The following KIAA1217 variants were observed in gnomAD, a reference collection of about 807,000 sequenced individuals.
KIAA1217 encodes the protein sickle tail protein homolog.
A neutral mutation model predicts 163.9 loss-of-function variants in KIAA1217; 88 were observed. That is an observed-to-expected ratio of 0.54 (90% CI 0.45 to 0.64). The LOEUF (loss-of-function observed/expected upper bound fraction) is 0.64, where lower values mean the gene tolerates loss of function less well. KIAA1217 is among the 30% of genes least tolerant of loss of function. The pLI, the probability that KIAA1217 is intolerant of heterozygous loss-of-function variation, is 0.00. For synonymous variants in KIAA1217, 903 were observed against 923.1 expected, an observed-to-expected ratio of 0.98 and a Z score of 0.39; for missense variants, 2,372 against 2,475.0, an observed-to-expected ratio of 0.96 and a Z score of 0.88.
chr10:24,422,559 T>C (rs749599224), intron 3 of KIAA1217, among the ~76,000 whole-genome samples: 1 of 152,154 alleles, frequency 6.6e-6, no homozygotes, highest in Non-Finnish European at 1.5e-5. Context: ...AGTTTCTAAA[T>C]ATCCATGCAA....
intron 3 of KIAA1217, among the ~76,000 whole-genome samples, chr10:24,389,944 C>T (rs2054614274): frequency 6.6e-6 from 1 of 152,124 alleles, no homozygotes; most frequent in South Asian, 2.1e-4. Context: ...TGAGGCCCAA[C>T]TCTGCATCTG....
intron 1 of KIAA1217, among the ~76,000 whole-genome samples, chr10:23,921,137 T>G (rs1253482434): frequency 6.6e-6 from 1 of 152,210 alleles, no homozygotes; most frequent in African/African-American, 2.4e-5. Flanking sequence ...TTAAACTTTT[T>G]GTTTGTTTTA....
At chr10:23,812,056 G>A (rs1837087006) in intron 1 of KIAA1217, among the ~76,000 whole-genome samples, 1 of 152,080 alleles carries the variant, frequency 6.6e-6, no homozygotes, top group Non-Finnish European at 1.5e-5. Context: ...CTGCACTCCA[G>A]CCTGGGTGAC....
chr10:23,847,683 A>AT (rs374568390), intron 1 of KIAA1217, among the ~76,000 whole-genome samples: 5 of 151,858 alleles, frequency 3.3e-5, no homozygotes, highest in Admixed American at 1.3e-4. Context: ...GCATTCATTG[A>AT]TTTTTTGAAC....
chr10:23,916,016 A>T (rs902872781), intron 1 of KIAA1217, among the ~76,000 whole-genome samples: 1 of 152,180 alleles, frequency 6.6e-6, no homozygotes, highest in African/African-American at 2.4e-5. Context: ...AATGCCAAGG[A>T]TGGGCTTTTA....
At chr10:24,406,721 A>C (rs1364282407) in intron 3 of KIAA1217, among the ~76,000 whole-genome samples, 1 of 152,222 alleles carries the variant, frequency 6.6e-6, no homozygotes, top group Non-Finnish European at 1.5e-5. Context: ...AAGATTTGAA[A>C]TGTGTTGCCT....
intron 1 of KIAA1217, among the ~76,000 whole-genome samples, chr10:23,764,126 C>T (rs985537884): frequency 1.3e-5 from 2 of 151,962 alleles, no homozygotes; most frequent in East Asian, 3.9e-4. Flanking sequence ...AAAACAACCC[C>T]ATCAAAAAGT....
At chr10:23,805,467 C>T (rs1022728511) in intron 1 of KIAA1217, among the ~76,000 whole-genome samples, 1 of 151,936 alleles carries the variant, frequency 6.6e-6, no homozygotes, top group Non-Finnish European at 1.5e-5. Context: ...TAAGTGGAAG[C>T]TAACTGATGA....
intron 5 of KIAA1217, among the ~76,000 whole-genome samples, chr10:24,441,479 A>G (rs1448453795): frequency 6.6e-6 from 1 of 152,182 alleles, no homozygotes; most frequent in Admixed American, 6.5e-5. Context: ...GAGCGGTTTT[A>G]TGATTGGAAA....
At chr10:23,997,115 TC>T (rs1377261596) in intron 1 of KIAA1217, among the ~76,000 whole-genome samples, 1 of 152,238 alleles carries the variant, frequency 6.6e-6, no homozygotes, top group African/African-American at 2.4e-5. Flanking sequence ...TACTGGGATT[TC>T]AACTGTTTGT....
At chr10:23,944,589 T>C (rs1241288551) in intron 1 of KIAA1217, among the ~76,000 whole-genome samples, 1 of 152,166 alleles carries the variant, frequency 6.6e-6, no homozygotes, top group East Asian at 1.9e-4. Flanking sequence ...GTCAACATCA[T>C]TGGATATTAG....
At chr10:24,183,796 G>A (rs915933944) in intron 2 of KIAA1217, among the ~76,000 whole-genome samples, 1 of 152,198 alleles carries the variant, frequency 6.6e-6, no homozygotes, top group East Asian at 1.9e-4. Context: ...TCGGGGAATG[G>A]TTCTGCACCT....
chr10:24,189,518 A>G (rs747242667), intron 2 of KIAA1217, among the ~76,000 whole-genome samples: 33 of 152,176 alleles, frequency 2.2e-4, no homozygotes, highest in Non-Finnish European at 4.6e-4. Context: ...CAGAGGAGAA[A>G]GAGTAATACC....
At chr10:23,942,485 A>G (rs1843820604) in intron 1 of KIAA1217, among the ~76,000 whole-genome samples, 1 of 152,240 alleles carries the variant, frequency 6.6e-6, no homozygotes, top group Admixed American at 6.5e-5. Flanking sequence ...ATCATCAGAA[A>G]TTATACGTTA....
intron 1 of KIAA1217, among the ~76,000 whole-genome samples, chr10:23,729,224 G>A (rs933620008): frequency 2.6e-5 from 4 of 152,166 alleles, no homozygotes; most frequent in Non-Finnish European, 4.4e-5. Context: ...TTGTTTCCAA[G>A]GCTTGGCAAT....
In KIAA1217 at chr10:24,034,765, C is replaced by T. The variant is rs1031683810; in HGVS notation, c.-171+27391C>T. Among the ~76,000 whole-genome samples, 5 of 152,286 alleles carry T rather than the reference C, an allele frequency of 3.3e-5. No individual in the cohort carries two copies. The South Asian group carries it at 1.0e-3, about 32-fold the overall frequency. On this transcript the variant is annotated intron_variant, in intron 2 of 18. Coordinates refer to the KIAA1217 transcript ENST00000376462. ...GAGCGTGTTTCCCCACTGACCTTTG[C>T]AGAGGCTTGCTGGCTGCACACAGGA... is the stretch of plus-strand genomic sequence containing the variant.
intron 1 of KIAA1217, among the ~76,000 whole-genome samples, chr10:23,791,836 C>A (rs1011074499): frequency 2.0e-5 from 3 of 152,184 alleles, no homozygotes; most frequent in Non-Finnish European, 4.4e-5. Context: ...CCTACATCAG[C>A]ATTACTGTTT....
intron 1 of KIAA1217, among the ~76,000 whole-genome samples, chr10:23,791,953 C>T (rs1165263810): frequency 2.0e-5 from 3 of 152,136 alleles, no homozygotes; most frequent in African/African-American, 7.2e-5. Context: ...TTTAGGAAAC[C>T]CATTGCAAGA....
intron 2 of KIAA1217, among the ~76,000 whole-genome samples, chr10:24,284,116 G>A (rs1037811082): frequency 1.3e-5 from 2 of 151,950 alleles, no homozygotes; most frequent in African/African-American, 4.8e-5. Context: ...CAGCATGTTG[G>A]CCAGGCTGGT....
Sources: allele counts gnomAD v4.1 joint callset (sites outside exome capture counted in the v4.1 genomes callset), GRCh38; gene constraint gnomAD v4.1.1; transcripts MANE v1.5; gene names NCBI Gene and HGNC (gene_info 2026-07-23, HGNC 2026-07-21).